Variants in BIRC6 observed in about 807,000 individuals in gnomAD.
BIRC6 encodes baculoviral IAP repeat containing 6, also known as dual E2 ubiquitin-conjugating enzyme/E3 ubiquitin-protein ligase BIRC6.
Under a neutral mutation model 503.3 loss-of-function variants are expected in BIRC6, and 98 were observed. The observed-to-expected ratio is 0.19, with a 90% CI of 0.17 to 0.23. The LOEUF (loss-of-function observed/expected upper bound fraction) is 0.23. Ranked by LOEUF, BIRC6 falls within the 10% of genes least tolerant of loss-of-function variation. The probability of loss-of-function intolerance (pLI) is 1.00; values close to 1 mark genes in which losing one functional copy is unlikely to be tolerated. For synonymous variants in BIRC6, 2,240 were observed against 2,078.7 expected (o/e 1.08, Z -2.11); for missense variants, 5,360 against 5,806.0 (o/e 0.92, Z 2.50).
At chr2:32,540,559 T>C (rs188869406) in intron 61 of BIRC6, among the ~76,000 whole-genome samples, 42 of 152,194 alleles carry the variant, frequency 2.8e-4, no homozygotes, top group Non-Finnish European at 3.1e-4. Context: ...GTTTTGACTT[T>C]CAAAATGTGA....
chr2:32,380,008 A>G, intron 2 of BIRC6, 145 bp from the exon 3 acceptor site: 1 of 484,478 alleles, frequency 2.1e-6, no homozygotes, highest in East Asian at 3.3e-5. Flanking sequence ...TGTTTAATTA[A>G]GTAGATTTGT....
chr2:32,473,484 A>G (rs939430143), intron 33 of BIRC6, among the ~76,000 whole-genome samples: 9 of 151,988 alleles, frequency 5.9e-5, no homozygotes, highest in Non-Finnish European at 8.8e-5. Context: ...ACTATTCTAA[A>G]TGAGGTTGTC....
chr2:32,464,105 T>C (rs772209355), intron 24 of BIRC6, among the ~76,000 whole-genome samples: 1 of 152,220 alleles, frequency 6.6e-6, no homozygotes. Context: ...TCCATGAAAC[T>C]GGTCCCTGGT....
chr2:32,545,133 A>G (rs1015471675), intron 62 of BIRC6, among the ~76,000 whole-genome samples: 2 of 152,062 alleles, frequency 1.3e-5, no homozygotes, highest in Admixed American at 6.6e-5. Flanking sequence ...TAGTTATGAT[A>G]TCTCTCTCTC....
chr2:32,461,398 G>A (rs1305263185), intron 23 of BIRC6, among the ~76,000 whole-genome samples: 1 of 146,028 alleles, frequency 6.8e-6, no homozygotes, highest in Non-Finnish European at 1.5e-5. Context: ...TAGAGACAAG[G>A]TCTCACCATG....
chr2:32,536,577 T>G (rs915007129), intron 61 of BIRC6, among the ~76,000 whole-genome samples: 3 of 152,134 alleles, frequency 2.0e-5, no homozygotes, highest in African/African-American at 4.8e-5. Flanking sequence ...TTTCCCCATT[T>G]CTTGTTTTTC....
rs2040602020 is a variant in BIRC6 at position 32,401,622 on chromosome 2, A to G, written c.1417A>G (p.Ser473Gly). The G allele has an allele frequency of 9.3e-6, 15 of 1,609,460 alleles. No homozygotes were observed. In the East Asian group the frequency reaches 3.3e-4, roughly 36 times the overall value. Residue 473 changes from serine to glycine, a missense_variant and splice_region_variant, in exon 8 of 74, where the codon AGT becomes GGT. Ser to Gly is a moderately conservative substitution (Grantham distance 56). Transcript: ENST00000421745. ...CSDIPKLEGD[S>G]DDLLEDSDSE... ...AGATATACCAAAATTGGAAGGAGAT[A>G]GGTATGTGAGTTTGTTTTAGTAGTA... is the stretch of plus-strand genomic sequence containing the variant.
chr2:32,493,723 A>G, intron 45 of BIRC6, 56 bp downstream of exon 45: 1 of 1,375,944 alleles, frequency 7.3e-7, no homozygotes, highest in South Asian at 1.3e-5. Flanking sequence ...TAATTCTCCA[A>G]ATATACTTTT....
At position 32,380,176 on chromosome 2, in the gene BIRC6, T is replaced by C. The variant is rs2037422843; in HGVS notation, c.531T>C (p.Cys177=). 3 of 1,567,018 alleles carry C rather than the reference T, an allele frequency of 1.9e-6. No individual in the cohort carries two copies. Among genetic ancestry groups the C allele is most frequent in the Non-Finnish European group, 1.7e-6 (2 of 1,160,282 alleles). Residue 177 remains cysteine, a synonymous_variant, in exon 3 of 74, where the codon TGT becomes TGC. Coordinates refer to ENST00000421745, the MANE Select transcript of BIRC6 (RefSeq NM_016252.4). ...VTEAQQLLSA[C]LEKVDISSTE... is the part of the protein sequence containing the mutation. ...AGGCACAGCAGCTCTTATCAGCATG[T>C]TTAGAAAAGGTAGATATTTCTAGTA...
chr2:32,543,161 A>G, intron 61 of BIRC6, 80 bp from the exon 62 acceptor site: 1 of 1,362,080 alleles, frequency 7.3e-7, no homozygotes, highest in Non-Finnish European at 1.0e-6. Flanking sequence ...TTTTAAAGAG[A>G]TCATTTAAAG....
chr2:32,481,581 A>C, intron 38 of BIRC6, 128 bp downstream of exon 38: 1 of 684,880 alleles, frequency 1.5e-6, no homozygotes, highest in Non-Finnish European at 2.2e-6. Context: ...CCTGGCCAAC[A>C]TAGTGAAATC....
chr2:32,515,569 G>T lies in BIRC6; in HGVS notation c.11148G>T (p.Leu3716=). The T allele has an allele frequency of 6.2e-7, 1 of 1,613,912 alleles. No individual in the cohort carries two copies. ...TCAATCCACTATGGACAGCACTTCT[G>T]TTTTTATTGTGTCACTCTGGGTCCA... ...SEVNPLWTAL[L]FLLCHSGSTS... Residue 3716 remains leucine (L), a synonymous_variant, in exon 55 of 74, where the codon CTG becomes CTT. Coordinates refer to ENST00000421745, the MANE Select transcript of BIRC6 (RefSeq NM_016252.4).
chr2:32,605,517 G>A (rs758332473), intron 71 of BIRC6, among the ~76,000 whole-genome samples: 4 of 152,122 alleles, frequency 2.6e-5, no homozygotes, highest in Non-Finnish European at 4.4e-5. Context: ...AGAGGGAAGA[G>A]GACAGTAACT....
At chr2:32,597,996 T>C in intron 69 of BIRC6, 28 bp downstream of exon 69, 2 of 1,544,748 alleles carry the variant, frequency 1.3e-6, no homozygotes, top group Non-Finnish European at 1.8e-6. Flanking sequence ...TAAAGCACTC[T>C]CCCTTATCTC....
intron 1 of BIRC6, among the ~76,000 whole-genome samples, chr2:32,371,706 T>G (rs1054446371): frequency 1.3e-5 from 2 of 151,616 alleles, no homozygotes; most frequent in Non-Finnish European, 2.9e-5. Flanking sequence ...AATATATTTT[T>G]ATAGAATTTG....
chr2:32,431,108 G>T lies in BIRC6; in HGVS notation c.3248+18G>T, dbSNP rs967162326. ...ACCGACAGGTAAAAGATATTCCCAA[G>T]ATAATTAATTTTAAGTCCATCTTGT... is the stretch of plus-strand genomic sequence containing the variant. On this transcript the variant is annotated intron_variant, in intron 12 of 73. Transcript: ENST00000421745. 2 of 1,415,836 alleles carry T rather than the reference G, an allele frequency of 1.4e-6. No homozygotes were observed. Among genetic ancestry groups the T allele is most frequent in the African/African-American group, 3.0e-5 (2 of 67,100 alleles). 87.7% of individuals were successfully genotyped at this position (1,415,836 alleles called of 1,614,324 possible). A position where few individuals can be genotyped will look rare whatever the true frequency, so the allele number is the denominator to read the frequency against.
chr2:32,465,234 T>C, intron 26 of BIRC6, 70 bp downstream of exon 26: 1 of 655,784 alleles, frequency 1.5e-6, no homozygotes, highest in Non-Finnish European at 2.4e-6. Context: ...TAAAGACTCA[T>C]TATTCTTCAG....
Position 32,535,795 on chromosome 2 carries a change from A to G in BIRC6, c.12291+4244A>G, listed in dbSNP as rs573977151. Among the ~76,000 whole-genome samples, 6 of 152,278 alleles carry G rather than the reference A, an allele frequency of 3.9e-5. No homozygotes were observed. In the East Asian group the frequency reaches 9.7e-4, roughly 24 times the overall value. On this transcript the variant is annotated intron_variant, in intron 61 of 73. Transcript: ENST00000421745. ...GTGCATGTGTCTTTATAGCAGCATG[A>G]TTTATAATCCTTTGGGTATATACCC...
At chr2:32,405,747 C>T (rs1228012183) in intron 8 of BIRC6, among the ~76,000 whole-genome samples, 1 of 152,204 alleles carries the variant, frequency 6.6e-6, no homozygotes, top group African/African-American at 2.4e-5. Context: ...CAAACATACA[C>T]ACTTGCTTAT....
Sources: gnomAD v4.1 joint callset for allele counts (sites outside exome capture counted in the v4.1 genomes callset) on GRCh38, gnomAD v4.1.1 for gene constraint, MANE v1.5 for transcripts, NCBI Gene and HGNC (gene_info 2026-07-23, HGNC 2026-07-21) for gene names.